PRKRA: variants seen among roughly 807,000 people sequenced by gnomAD.
PRKRA encodes the protein protein activator of interferon induced protein kinase EIF2AK2, also known as interferon-inducible double-stranded RNA-dependent protein kinase activator A.
Under a neutral mutation model 32.4 loss-of-function variants are expected in PRKRA, and 22 were observed. The observed-to-expected ratio is 0.68, with a 90% confidence interval of 0.49 to 0.97. The LOEUF is 0.97. PRKRA is among the 50% of genes least tolerant of loss of function. The probability of loss-of-function intolerance (pLI) is 0.00; values close to 1 mark genes in which losing one functional copy is unlikely to be tolerated. For synonymous variants in PRKRA, 139 were observed against 129.8 expected, an observed-to-expected ratio of 1.07 and a Z score of -0.48; for missense variants, 319 against 375.6, an observed-to-expected ratio of 0.85 and a Z score of 1.25.
At position 178,431,884 on chromosome 2, in the gene PRKRA, A is replaced by G. The variant is rs1278077372; in HGVS notation, c.*213T>C. On this transcript the variant is annotated 3_prime_UTR_variant, in exon 8 of 8. Transcript: ENST00000325748. ...GTGCTACACTCTCTCTTGTGGTACA[A>G]AGTTTATAAATACAGTATACTGATA... is the stretch of plus-strand genomic sequence containing the variant. The G allele has an allele frequency of 4.8e-6, 3 of 628,884 alleles. No homozygotes were observed. The African/African-American group carries it at 5.6e-5, about 12-fold the overall frequency. The allele number at this position is 628,884 out of a possible 1,614,324, so 39.0% of individuals were successfully genotyped here.
intron 4 of PRKRA, 54 bp from the exon 5 acceptor site, chr2:178,443,438 A>T (rs867799557): frequency 9.8e-6 from 8 of 817,596 alleles, no homozygotes; most frequent in Non-Finnish European, 3.6e-6. Context: ...GCTCAATCAC[A>T]TAAGTGTTTT....
chr2:178,432,590 G>A (rs1696710971), intron 7 of PRKRA, among the ~76,000 whole-genome samples: 2 of 152,072 alleles, frequency 1.3e-5, no homozygotes, highest in African/African-American at 2.4e-5. Flanking sequence ...TTCTAATATA[G>A]TTAGTTGAAC....
intron 7 of PRKRA, among the ~76,000 whole-genome samples, chr2:178,435,053 C>A (rs2154124668): frequency 6.6e-6 from 1 of 151,830 alleles, no homozygotes; most frequent in Admixed American, 6.5e-5. Flanking sequence ...CCCGTCTCTA[C>A]TAAAAATGCA....
intron 1 of PRKRA, 183 bp downstream of exon 1, chr2:178,450,783 C>T: frequency 3.0e-6 from 4 of 1,339,298 alleles, no homozygotes; most frequent in Non-Finnish European, 3.8e-6. Flanking sequence ...ACGAGAGGGG[C>T]GGGGCCCGGC....
chr2:178,446,310 C>T (rs1480715956), intron 3 of PRKRA, among the ~76,000 whole-genome samples: 1 of 152,226 alleles, frequency 6.6e-6, no homozygotes, highest in African/African-American at 2.4e-5. Context: ...CCACCCCGCC[C>T]AGCCTGGCAT....
In PRKRA at chr2:178,438,472, G is replaced by A. The variant is rs182074971; in HGVS notation, c.610-2153C>T. On this transcript the variant is annotated intron_variant, in intron 6 of 7. Transcript: ENST00000325748. The stretch of plus-strand genomic sequence containing the variant: ...TGGTCCTATGTGGATTAGCATCTAC[G>A]CCTGGATTCTCTATTCGCTCCTCTG... Among the ~76,000 whole-genome samples, 227 of 152,198 alleles carry A rather than the reference G, an allele frequency of 1.5e-3. 5 individuals are homozygous for A. In the South Asian group the frequency reaches 0.022, roughly 15 times the overall value.
At chr2:178,450,781 G>A in intron 1 of PRKRA, 185 bp downstream of exon 1, 1 of 1,340,310 alleles carries the variant, frequency 7.5e-7, no homozygotes. Context: ...CCACGAGAGG[G>A]GCGGGGCCCG....
chr2:178,451,074 A>T lies in PRKRA; in HGVS notation c.-44T>A. On this transcript the variant is annotated 5_prime_UTR_variant, in exon 1 of 8. Transcript: ENST00000325748. ...AGCGGCTGGAGGAAGAGCGGTGCGG[A>T]GCGACGTGCTCGCTCCCCGGGTCGC... is the stretch of plus-strand genomic sequence containing the variant. The T allele has an allele frequency of 6.5e-7, 1 of 1,539,658 alleles. No individual in the cohort carries two copies. Among genetic ancestry groups the T allele is most frequent in the Middle Eastern group, 1.8e-4 (1 of 5,662 alleles).
At chr2:178,432,905 T>C (rs1696727625) in intron 7 of PRKRA, among the ~76,000 whole-genome samples, 1 of 152,192 alleles carries the variant, frequency 6.6e-6, no homozygotes, top group Non-Finnish European at 1.5e-5. Context: ...AAACAATACC[T>C]GACCCAGGAA....
intron 5 of PRKRA, 99 bp from the exon 6 acceptor site, chr2:178,441,803 C>G: frequency 1.0e-6 from 1 of 1,003,440 alleles, no homozygotes; most frequent in Non-Finnish European, 1.6e-6. Context: ...GAGAACCTCA[C>G]GGTTTTTATT....
intron 7 of PRKRA, among the ~76,000 whole-genome samples, chr2:178,434,287 T>C (rs369944810): frequency 6.6e-6 from 1 of 152,212 alleles, no homozygotes; most frequent in East Asian, 1.9e-4. Context: ...ATTTTTGTAT[T>C]TTTAGTAGAG....
rs1186433127 is a variant in PRKRA, at chr2:178,450,906, C to G, written c.65+60G>C. On this transcript the variant is annotated intron_variant, in intron 1 of 7. Transcript: ENST00000325748. ...ATGCCTCTGGAGGGCCGGCTCCCCG[C>G]GCCCCGGCCCTGCCGCCCAACGCTC... The G allele has an allele frequency of 2.9e-5, 35 of 1,221,852 alleles. No individual in the cohort carries two copies. The East Asian group carries it at 2.0e-3, about 69-fold the overall frequency. The allele number at this position is 1,221,852 out of a possible 1,614,324, so 75.7% of individuals were successfully genotyped here.
chr2:178,450,442 A>G (rs1697535918), intron 1 of PRKRA, 31 bp from the exon 2 acceptor site: 1 of 1,026,194 alleles, frequency 9.7e-7, no homozygotes, highest in East Asian at 5.1e-5. Flanking sequence ...TGTGCTTTGC[A>G]TGCCAAATTG....
intron 3 of PRKRA, chr2:178,445,544 A>C (rs1452580791): frequency 6.5e-6 from 1 of 154,608 alleles, no homozygotes; most frequent in Non-Finnish European, 1.5e-5. Flanking sequence ...ATCTGTCAAG[A>C]AGCACAAATA....
intron 7 of PRKRA, 77 bp downstream of exon 7, chr2:178,436,068 C>A: frequency 9.4e-7 from 1 of 1,064,402 alleles, no homozygotes. Flanking sequence ...ATTTTTATTC[C>A]TCAAACACAT....
intron 6 of PRKRA, 35 bp downstream of exon 6, chr2:178,441,572 TTAA>T: frequency 6.8e-7 from 1 of 1,466,490 alleles, no homozygotes; most frequent in Non-Finnish European, 9.6e-7. Flanking sequence ...CAAGAAATGC[TTAA>T]TGACATTAAC....
Position 178,444,453 on chromosome 2 carries a change from T to G in PRKRA, c.365A>C (p.Lys122Thr). The stretch of plus-strand genomic sequence containing the variant: ...TGAACCAATAGGATTAAGCTGGTTC[T>G]TTGGTTGCTTGGAAGGGTCAGGCAT... ...PLMPDPSKQP[K>T]NQLNPIGSLQ... The change falls in exon 4 of 8, where the codon AAG becomes ACG. Residue 122 changes from lysine (K) to threonine (T), a missense_variant. Lys to Thr is a moderately conservative substitution (Grantham distance 78). Coordinates refer to ENST00000325748, the MANE Select transcript of PRKRA (RefSeq NM_003690.5). The G allele has an allele frequency of 6.2e-7, 1 of 1,606,500 alleles. No homozygotes were observed. Among genetic ancestry groups the G allele is most frequent in the Non-Finnish European group, 8.5e-7 (1 of 1,173,228 alleles).
intron 6 of PRKRA, among the ~76,000 whole-genome samples, chr2:178,440,772 T>C (rs945621246): frequency 2.0e-5 from 3 of 152,220 alleles, no homozygotes; most frequent in African/African-American, 4.8e-5. Context: ...TCACTTACCA[T>C]AATGCAGCCA....
intron 3 of PRKRA, chr2:178,447,239 G>A (rs548000729): frequency 4.9e-6 from 2 of 410,214 alleles, no homozygotes; most frequent in South Asian, 7.9e-5. Flanking sequence ...TTTGCAAGAA[G>A]CACTGATTTT....
Sources: gnomAD v4.1 joint callset for allele counts (sites outside exome capture counted in the v4.1 genomes callset) on GRCh38, gnomAD v4.1.1 for gene constraint, MANE v1.5 for transcripts, NCBI Gene and HGNC (gene_info 2026-07-23, HGNC 2026-07-21) for gene names.